Variants in CDIN1 observed in about 807,000 individuals in gnomAD.
The protein encoded by CDIN1 is CDAN1-interacting nuclease 1.
Under a neutral mutation model 45.3 loss-of-function variants are expected in CDIN1, and 33 were observed. The observed-to-expected ratio is 0.73, with a 90% CI of 0.55 to 0.97. CDIN1 has a LOEUF of 0.97. Among genes scored for constraint, CDIN1 ranks in the 50% least tolerant of loss-of-function variants. The pLI is 0.00. For missense variants in CDIN1, 303 were observed against 339.4 expected (o/e 0.89, Z 0.84); for synonymous variants, 118 against 124.4 (o/e 0.95, Z 0.34).
intron 5 of CDIN1, among the ~76,000 whole-genome samples, chr15:36,662,134 T>G (rs7161972): frequency 0.96 from 146,163 of 152,312 alleles, 70,142 homozygotes; most frequent in East Asian, 1. Context: ...TTTATACAGC[T>G]TACCTTTGCT....
At chr15:36,762,016 T>C (rs1381813547) in intron 10 of CDIN1, among the ~76,000 whole-genome samples, 3 of 152,156 alleles carry the variant, frequency 2.0e-5, no homozygotes, top group East Asian at 1.9e-4. Flanking sequence ...CGGAAGTCTA[T>C]TGCAGGCAGA....
At chr15:36,670,609 A>G (rs752146710) in intron 5 of CDIN1, among the ~76,000 whole-genome samples, 2 of 151,978 alleles carry the variant, frequency 1.3e-5, no homozygotes, top group Non-Finnish European at 2.9e-5. Flanking sequence ...TTCAGTCATC[A>G]CTCTTCTCTC....
At chr15:36,670,442 C>T (rs1040922007) in intron 5 of CDIN1, among the ~76,000 whole-genome samples, 4 of 152,056 alleles carry the variant, frequency 2.6e-5, no homozygotes, top group Middle Eastern at 3.2e-3. Flanking sequence ...TTTGACAAAT[C>T]TATTATATTT....
At chr15:36,665,780 A>G (rs1017874980) in intron 5 of CDIN1, among the ~76,000 whole-genome samples, 17 of 152,344 alleles carry the variant, frequency 1.1e-4, no homozygotes, top group African/African-American at 3.8e-4. Flanking sequence ...ATTTTCTGGT[A>G]CAATCCTGAT....
intron 5 of CDIN1, among the ~76,000 whole-genome samples, chr15:36,680,389 C>T (rs1331892907): frequency 6.6e-6 from 1 of 152,130 alleles, no homozygotes; most frequent in East Asian, 1.9e-4. Context: ...GAACTTATTA[C>T]TAAAGGGCCT....
At chr15:36,788,075 C>CATACAT (rs1459606197) in intron 10 of CDIN1, among the ~76,000 whole-genome samples, 1 of 56,152 alleles carries the variant, frequency 1.8e-5, no homozygotes, top group African/African-American at 7.7e-5. Context: ...TAATTTTATA[C>CATACAT]ATATATATAT....
chr15:36,666,598 C>T (rs1170264870), intron 5 of CDIN1, among the ~76,000 whole-genome samples: 1 of 152,140 alleles, frequency 6.6e-6, no homozygotes, highest in Non-Finnish European at 1.5e-5. Context: ...CAATTTGGAC[C>T]TCTGTATTTA....
At chr15:36,687,337 A>G (rs892059647) in intron 5 of CDIN1, among the ~76,000 whole-genome samples, 4 of 152,210 alleles carry the variant, frequency 2.6e-5, no homozygotes, top group African/African-American at 9.6e-5. Context: ...TAATGACACA[A>G]TAAAGTTCAA....
chr15:36,800,899 GTGTGTGTGTGTATATATATATATATA>G (rs1268799458), intron 10 of CDIN1, among the ~76,000 whole-genome samples: 4 of 25,820 alleles, frequency 1.5e-4, no homozygotes, highest in African/African-American at 4.6e-4. Flanking sequence ...GTGTGTGTGT[GTGTGTGTGTGTATATATATATATATA>G]TATATATATA....
rs529827408 is a variant in CDIN1 at position 36,740,476 on chromosome 15, C to A, written c.716+30515C>A. ...AAAGGAGTGGAAACTGTGGTGATAC[C>A]GAGAGATGGTAGCACTTCTACGTGA... is the stretch of plus-strand genomic sequence containing the variant. On this transcript the variant is annotated intron_variant, in intron 10 of 10. Transcript: ENST00000566621. Among the ~76,000 whole-genome samples the A allele has an allele frequency of 5.7e-4, 86 of 152,206 alleles. No homozygotes were observed. In the East Asian group the frequency reaches 7.9e-3, roughly 14 times the overall value.
intron 5 of CDIN1, among the ~76,000 whole-genome samples, chr15:36,684,917 G>C (rs887510472): frequency 6.7e-6 from 1 of 150,024 alleles, no homozygotes; most frequent in Non-Finnish European, 1.5e-5. Flanking sequence ...TGTGGGATCG[G>C]TGGTGATATC....
At chr15:36,731,265 G>T (rs1166536062) in intron 10 of CDIN1, among the ~76,000 whole-genome samples, 1 of 152,064 alleles carries the variant, frequency 6.6e-6, no homozygotes, top group South Asian at 2.1e-4. Context: ...TAAGCTTCCT[G>T]TGTCATACTT....
intron 4 of CDIN1, among the ~76,000 whole-genome samples, chr15:36,654,919 T>A (rs1351246966): frequency 6.6e-6 from 1 of 152,226 alleles, no homozygotes; most frequent in Non-Finnish European, 1.5e-5. Context: ...TAGTCTGACT[T>A]GGAACTGCTT....
chr15:36,682,943 G>A (rs1253108983), intron 5 of CDIN1, among the ~76,000 whole-genome samples: 2 of 152,082 alleles, frequency 1.3e-5, no homozygotes, highest in Non-Finnish European at 2.9e-5. Context: ...ATGGGAGGCT[G>A]ATAGAATTGT....
In CDIN1 at chr15:36,809,704, T is replaced by G. The variant is rs2055338986; in HGVS notation, c.*1251T>G. 2.6e-5 allele frequency: 4 copies of G among 152,212 alleles called. No homozygotes were observed. Among genetic ancestry groups the G allele is most frequent in the Admixed American group, 2.6e-4 (4 of 15,274 alleles). 9.4% of individuals were successfully genotyped at this position (152,212 alleles called of 1,614,324 possible). ...GTTGAATAGATGATATGGGAAATAC[T>G]AATAACAACAATGTAATTTTTGCAG... is the stretch of plus-strand genomic sequence containing the variant. On this transcript the variant is annotated 3_prime_UTR_variant, in exon 11 of 11. Coordinates refer to ENST00000566621, the MANE Select transcript of CDIN1 (RefSeq NM_001321759.2).
At chr15:36,785,225 G>A (rs2054458410) in intron 10 of CDIN1, among the ~76,000 whole-genome samples, 1 of 152,162 alleles carries the variant, frequency 6.6e-6, no homozygotes, top group Non-Finnish European at 1.5e-5. Context: ...TAGCTAAGGT[G>A]TTCTCATAGA....
intron 5 of CDIN1, among the ~76,000 whole-genome samples, chr15:36,665,909 C>T (rs1419778173): frequency 6.6e-6 from 1 of 151,646 alleles, no homozygotes; most frequent in Non-Finnish European, 1.5e-5. Context: ...TAAGAAAAAC[C>T]CTCTTTTTAG....
At chr15:36,769,572 A>C (rs1483332559) in intron 10 of CDIN1, among the ~76,000 whole-genome samples, 1 of 152,208 alleles carries the variant, frequency 6.6e-6, no homozygotes, top group Non-Finnish European at 1.5e-5. Context: ...CAACATCTGG[A>C]TTAGCATTTG....
intron 3 of CDIN1, among the ~76,000 whole-genome samples, chr15:36,648,229 CCA>C (rs1299006528): frequency 2.0e-5 from 3 of 151,918 alleles, no homozygotes; most frequent in Non-Finnish European, 4.4e-5. Context: ...TTTTGTCAGC[CCA>C]TTTTTATATT....
Sources: gnomAD v4.1 joint callset for allele counts (sites outside exome capture counted in the v4.1 genomes callset) on GRCh38, gnomAD v4.1.1 for gene constraint, MANE v1.5 for transcripts, NCBI Gene and HGNC (gene_info 2026-07-23, HGNC 2026-07-21) for gene names.